BCAS3: variants seen among roughly 807,000 people sequenced by gnomAD.
The protein encoded by BCAS3 is BCAS3 microtubule associated cell migration factor, also known as BCAS4/BCAS3 fusion.
BCAS3 carries 53 observed loss-of-function variants against 116.1 expected under a neutral mutation model. The observed-to-expected ratio is 0.46, with a 90% CI of 0.37 to 0.57. BCAS3 has a LOEUF of 0.57. Among genes scored for constraint, BCAS3 ranks in the 20% least tolerant of loss-of-function variants. BCAS3 has a pLI of 0.00. For missense variants in BCAS3, 917 were observed against 1,165.4 expected (o/e 0.79, Z 3.10); for synonymous variants, 391 against 408.2 (o/e 0.96, Z 0.51).
chr17:61,322,794 C>CAGAGAGAGAGAGAGAGAGAG (rs35581770), intron 22 of BCAS3, among the ~76,000 whole-genome samples: 39 of 99,634 alleles, frequency 3.9e-4, no homozygotes, highest in Admixed American at 5.7e-4. Flanking sequence ...GAGAGAGAGA[C>CAGAGAGAGAGAGAGAGAGAG]AGAGAGAGAG....
At position 61,214,636 on chromosome 17, in the gene BCAS3, A is replaced by C. The variant is rs2081670376; in HGVS notation, c.2425+130072A>C. ...AACCTGGGAGGCGGAGCTTGCAGTGAGCCGAGATCGCGCCACTGCACTCCA... is the reference window on the plus strand; with the variant it reads ...AACCTGGGAGGCGGAGCTTGCAGTGCGCCGAGATCGCGCCACTGCACTCCA... On this transcript the variant is annotated intron_variant, in intron 22 of 23. Coordinates refer to ENST00000407086, the MANE Select transcript of BCAS3 (RefSeq NM_017679.5). This position sits in a 1 kb window ranked among gnomAD's most constrained non-coding sequence, Gnocchi z 4.4. Among the ~76,000 whole-genome samples, 2 of 152,208 alleles carry C rather than the reference A, an allele frequency of 1.3e-5. No homozygotes were observed. Among genetic ancestry groups the C allele is most frequent in the Admixed American group, 1.3e-4 (2 of 15,272 alleles).
chr17:60,744,971 C>T, intron 5 of BCAS3, among the ~76,000 whole-genome samples: 1 of 151,886 alleles, frequency 6.6e-6, no homozygotes, highest in East Asian at 1.9e-4. Flanking sequence ...GTATTAAATA[C>T]AATGATAGCA....
chr17:60,796,389 C>A (rs993932139), intron 6 of BCAS3, among the ~76,000 whole-genome samples: 1 of 152,050 alleles, frequency 6.6e-6, no homozygotes, highest in Non-Finnish European at 1.5e-5. Flanking sequence ...TATAAAATTA[C>A]CATTTCAGTC....
chr17:61,206,837 G>A (rs577028585), intron 22 of BCAS3, among the ~76,000 whole-genome samples: 101 of 149,364 alleles, frequency 6.8e-4, no homozygotes, highest in Middle Eastern at 3.5e-3. Context: ...AAATTGTGAA[G>A]GGGGAATCCC....
chr17:60,959,034 G>A (rs2061283779), intron 14 of BCAS3, among the ~76,000 whole-genome samples: 1 of 152,164 alleles, frequency 6.6e-6, no homozygotes, highest in South Asian at 2.1e-4. Flanking sequence ...TGACACCAAG[G>A]TTGGACACAG....
In BCAS3 at chr17:61,077,511, C is replaced by T. The variant is rs1459843913; in HGVS notation, c.2131-822C>T. On this transcript the variant is annotated intron_variant, in intron 20 of 23. Coordinates refer to ENST00000407086, the MANE Select transcript of BCAS3 (RefSeq NM_017679.5). This position sits in a 1 kb window ranked among gnomAD's most constrained non-coding sequence, Gnocchi z 4.3. ...CAGTCTGGGCAACAGAGCGAGACTC[C>T]GTCTCAAAAAAAAAATGAAATAAAA... Among the ~76,000 whole-genome samples the T allele has an allele frequency of 1.3e-5, 2 of 151,454 alleles. No homozygotes were observed. The highest frequency in any genetic ancestry group is 2.1e-4 in the South Asian group (1 of 4,788).
At chr17:60,683,855 CAAAA>C (rs938951576) in intron 2 of BCAS3, 123 bp from the exon 3 acceptor site, 67 of 843,494 alleles carry the variant, frequency 7.9e-5, no homozygotes, top group African/African-American at 1.4e-4. Flanking sequence ...ACAAAACAAA[CAAAA>C]AAACCCCAAA....
At chr17:60,738,414 T>C (rs1227742089) in intron 5 of BCAS3, among the ~76,000 whole-genome samples, 1 of 152,200 alleles carries the variant, frequency 6.6e-6, no homozygotes, top group South Asian at 2.1e-4. Context: ...ACCGATTAAG[T>C]CTTCTTGGGG....
At chr17:60,765,079 T>C (rs1011772405) in intron 6 of BCAS3, among the ~76,000 whole-genome samples, 5 of 152,198 alleles carry the variant, frequency 3.3e-5, no homozygotes, top group African/African-American at 1.2e-4. Flanking sequence ...TGAGCCTATA[T>C]GCGTCTCTGC....
intron 14 of BCAS3, chr17:60,980,507 CTTTT>C (rs1251633029): frequency 3.4e-5 from 5 of 145,862 alleles, no homozygotes; most frequent in African/African-American, 1.3e-4. Flanking sequence ...CATTTTATGG[CTTTT>C]TTAACTTTCT....
chr17:61,052,715 CTTTTT>C (rs60772345), intron 19 of BCAS3, among the ~76,000 whole-genome samples: 1 of 124,946 alleles, frequency 8.0e-6, no homozygotes. Flanking sequence ...TTCTTTCTTT[CTTTTT>C]TTTTTTTTTT....
chr17:61,312,957 G>A (rs1468625780), intron 22 of BCAS3, among the ~76,000 whole-genome samples: 1 of 152,212 alleles, frequency 6.6e-6, no homozygotes, highest in Non-Finnish European at 1.5e-5. Flanking sequence ...TCAGTTAGAA[G>A]AAATGTGTCT....
intron 22 of BCAS3, among the ~76,000 whole-genome samples, chr17:61,299,757 G>A (rs2053280918): frequency 6.6e-6 from 1 of 152,188 alleles, no homozygotes; most frequent in Non-Finnish European, 1.5e-5. Flanking sequence ...GAAATGTTTT[G>A]GCTCTGACAG....
intron 6 of BCAS3, among the ~76,000 whole-genome samples, chr17:60,769,369 G>A (rs1477706111): frequency 6.6e-6 from 1 of 152,218 alleles, no homozygotes; most frequent in African/African-American, 2.4e-5. Context: ...TGTGGGATGT[G>A]TGGTTTTCTT....
At position 61,248,085 on chromosome 17, in the gene BCAS3, G is replaced by A. The variant is rs1045935322; in HGVS notation, c.2426-120242G>A. 6.6e-6 allele frequency among the ~76,000 whole-genome samples: 1 copy of A among 152,160 alleles called. No individual in the cohort carries two copies. Among genetic ancestry groups the A allele is most frequent in the Admixed American group, 6.5e-5 (1 of 15,282 alleles). Reference sequence around the variant, plus strand: ...AATTTTTCCACATCTCTTTGGTTTGGATGTTGACTTGGAAATCTCTTTTGA... The same window carrying A: ...AATTTTTCCACATCTCTTTGGTTTGAATGTTGACTTGGAAATCTCTTTTGA... On this transcript the variant is annotated intron_variant, in intron 22 of 23. Coordinates refer to ENST00000407086, the MANE Select transcript of BCAS3 (RefSeq NM_017679.5). The surrounding 1 kb of genome is among the most constrained non-coding windows in gnomAD (Gnocchi z 4.3).
At chr17:60,816,648 C>A (rs2049445730) in intron 7 of BCAS3, among the ~76,000 whole-genome samples, 1 of 152,088 alleles carries the variant, frequency 6.6e-6, no homozygotes, top group Non-Finnish European at 1.5e-5. Flanking sequence ...CAGTCAAAGT[C>A]AAAATAAAAA....
Position 61,219,143 on chromosome 17 carries a change from G to A in BCAS3, c.2425+134579G>A, listed in dbSNP as rs1282296301. 6.6e-6 allele frequency among the ~76,000 whole-genome samples: 1 copy of A among 152,208 alleles called. No individual in the cohort carries two copies. The highest frequency in any genetic ancestry group is 6.5e-5 in the Admixed American group (1 of 15,278). ...TGAAGTAAAGTCCAAAAGCAAACAG[G>A]TCTGTAGCCTTTTTGAGAAGTGTTC... On this transcript the variant is annotated intron_variant, in intron 22 of 23. Transcript: ENST00000407086. This position sits in a 1 kb window ranked among gnomAD's most constrained non-coding sequence, Gnocchi z 5.2.
intron 22 of BCAS3, among the ~76,000 whole-genome samples, chr17:61,290,890 C>T (rs996191760): frequency 1.3e-5 from 2 of 152,100 alleles, no homozygotes; most frequent in Non-Finnish European, 2.9e-5. Context: ...ATGCCATTCT[C>T]CTGCCTCAGC....
At chr17:60,820,506 T>C (rs1388756633) in intron 7 of BCAS3, among the ~76,000 whole-genome samples, 2 of 152,110 alleles carry the variant, frequency 1.3e-5, no homozygotes, top group Admixed American at 1.3e-4. Context: ...GCAGTGTGTA[T>C]TTGGAGGGGC....
Sources: gnomAD v4.1 joint callset for allele counts (sites outside exome capture counted in the v4.1 genomes callset) on GRCh38, gnomAD v4.1.1 for gene constraint, Gnocchi (gnomAD v3.1) non-coding constraint, MANE v1.5 for transcripts, NCBI Gene and HGNC (gene_info 2026-07-23, HGNC 2026-07-21) for gene names.